The following CCDC102B variants were observed in gnomAD, a reference collection of about 807,000 sequenced individuals.
The protein encoded by CCDC102B is coiled-coil domain containing 102B.
CCDC102B carries 75 observed loss-of-function variants against 57.4 expected under a neutral mutation model. The observed-to-expected ratio is 1.31, with a 90% CI of 1.08 to 1.58. The LOEUF (loss-of-function observed/expected upper bound fraction) is 1.58, where lower values mean the gene tolerates loss of function less well. Ranked by LOEUF, CCDC102B falls within the 40% of genes most tolerant of loss-of-function variation. CCDC102B has a pLI of 0.00. For synonymous variants in CCDC102B, 206 were observed against 201.9 expected, an observed-to-expected ratio of 1.02 and a Z score of -0.17; for missense variants, 636 against 582.6, an observed-to-expected ratio of 1.09 and a Z score of -0.94.
intron 6 of CCDC102B, among the ~76,000 whole-genome samples, chr18:68,902,794 C>T (rs2040499768): frequency 6.6e-6 from 1 of 152,276 alleles, no homozygotes; most frequent in East Asian, 1.9e-4. Flanking sequence ...TCCTGATCTA[C>T]CTGAATAGAT....
At chr18:68,796,651 G>A (rs2035638261), upstream of CCDC102B, among the ~76,000 whole-genome samples, 1 of 152,000 alleles carries the variant, frequency 6.6e-6, no homozygotes, top group Non-Finnish European at 1.5e-5. Flanking sequence ...TGGAGGATGA[G>A]GCATCATCAA....
intron 1 of CCDC102B, among the ~76,000 whole-genome samples, chr18:68,810,671 C>CTTTGTTTGTT (rs1568263108): frequency 4.3e-4 from 30 of 70,050 alleles, no homozygotes; most frequent in East Asian, 7.4e-4. Context: ...ATTTTCTTTT[C>CTTTGTTTGTT]TTTTCTTTGT....
At chr18:68,897,103 A>G (rs996893452) in intron 5 of CCDC102B, 116 bp from the exon 6 acceptor site, 2 of 724,956 alleles carry the variant, frequency 2.8e-6, no homozygotes, top group East Asian at 5.1e-5. Flanking sequence ...TCTTTTTAAA[A>G]TTGTATCAGT....
intron 2 of CCDC102B, among the ~76,000 whole-genome samples, chr18:68,774,139 C>T (rs1018165434): frequency 3.3e-5 from 5 of 151,740 alleles, no homozygotes; most frequent in African/African-American, 9.7e-5. Flanking sequence ...GAAATTGTTC[C>T]TTTTTAATCT....
At chr18:68,771,392 C>A (rs140624002) in intron 2 of CCDC102B, among the ~76,000 whole-genome samples, 4 of 152,274 alleles carry the variant, frequency 2.6e-5, no homozygotes. Context: ...CACTTCTAAA[C>A]ATGTAAAATC....
At chr18:68,736,399 G>A (rs1395759353) in intron 2 of CCDC102B, among the ~76,000 whole-genome samples, 1 of 152,160 alleles carries the variant, frequency 6.6e-6, no homozygotes, top group African/African-American at 2.4e-5. Context: ...GTGAATTAAC[G>A]CTGAGTATGA....
intron 6 of CCDC102B, among the ~76,000 whole-genome samples, chr18:68,948,290 A>G (rs959283006): frequency 3.3e-5 from 5 of 152,100 alleles, no homozygotes; most frequent in African/African-American, 7.2e-5. Flanking sequence ...TTTTTCTTTT[A>G]GATATAGCAT....
chr18:68,846,067 T>C (rs1192930060), intron 3 of CCDC102B, among the ~76,000 whole-genome samples: 1 of 151,770 alleles, frequency 6.6e-6, no homozygotes, highest in Non-Finnish European at 1.5e-5. Flanking sequence ...GCAAGCAGAA[T>C]GTCAATACTG....
At chr18:68,950,861 T>C (rs2049677039) in intron 6 of CCDC102B, among the ~76,000 whole-genome samples, 1 of 152,198 alleles carries the variant, frequency 6.6e-6, no homozygotes, top group Non-Finnish European at 1.5e-5. Context: ...AGTGGTATTT[T>C]TTTTTGAGAA....
chr18:68,857,241 T>A lies in CCDC102B; in HGVS notation c.936+10820T>A, dbSNP rs1208331062. Among the ~76,000 whole-genome samples, 25 of 67,524 alleles carry A rather than the reference T, an allele frequency of 3.7e-4. 5 individuals are homozygous for A. The highest frequency in any genetic ancestry group is 9.2e-4 in the Admixed American group (4 of 4,362). 44.3% of individuals were successfully genotyped at this position (67,524 alleles called of 152,430 possible). On this transcript the variant is annotated intron_variant, in intron 4 of 7. Transcript: ENST00000360242. Reference sequence around the variant, plus strand: ...ATATTTATATATTTTTATATATAAATATATATTTATTATTTAAATATATAA... The same window carrying A: ...ATATTTATATATTTTTATATATAAAAATATATTTATTATTTAAATATATAA...
chr18:68,876,675 C>A (rs1469776773), intron 5 of CCDC102B, among the ~76,000 whole-genome samples: 1 of 151,936 alleles, frequency 6.6e-6, no homozygotes, highest in Non-Finnish European at 1.5e-5. Context: ...GATTTTGGAG[C>A]AGGATATTGA....
intron 6 of CCDC102B, among the ~76,000 whole-genome samples, chr18:68,927,620 G>C (rs2041518797): frequency 6.6e-6 from 1 of 151,976 alleles, no homozygotes; most frequent in Non-Finnish European, 1.5e-5. Flanking sequence ...AATATTGATA[G>C]TTAATAGCCC....
chr18:68,775,214 T>C (rs922240460), intron 2 of CCDC102B, among the ~76,000 whole-genome samples: 4 of 152,092 alleles, frequency 2.6e-5, no homozygotes, highest in Non-Finnish European at 5.9e-5. Flanking sequence ...ATTTTTGCAA[T>C]GAATGACCTT....
chr18:68,722,683 C>T (rs1449445793), intron 2 of CCDC102B, among the ~76,000 whole-genome samples: 1 of 152,150 alleles, frequency 6.6e-6, no homozygotes, highest in African/African-American at 2.4e-5. Context: ...AACAAATGGG[C>T]AGAGTACCCG....
intron 2 of CCDC102B, among the ~76,000 whole-genome samples, chr18:68,740,098 G>A (rs2033318350): frequency 6.6e-6 from 1 of 152,152 alleles, no homozygotes; most frequent in South Asian, 2.1e-4. Flanking sequence ...TTGTTATGGA[G>A]AAGCGTCCTG....
At chr18:68,813,774 T>TATATATATATA (rs2036365181) in intron 1 of CCDC102B, among the ~76,000 whole-genome samples, 1 of 145,962 alleles carries the variant, frequency 6.9e-6, no homozygotes, top group African/African-American at 2.5e-5. Flanking sequence ...AAATATAATT[T>TATATATATATA]TATATATATA....
chr18:68,938,723 T>C (rs1205645797), intron 6 of CCDC102B, among the ~76,000 whole-genome samples: 1 of 151,544 alleles, frequency 6.6e-6, no homozygotes, highest in African/African-American at 2.4e-5. Context: ...ATTATTTTAA[T>C]TTATTTTGGA....
At chr18:68,718,536 G>A (rs1314273044) in intron 2 of CCDC102B, among the ~76,000 whole-genome samples, 1 of 152,128 alleles carries the variant, frequency 6.6e-6, no homozygotes, top group East Asian at 1.9e-4. Flanking sequence ...ACAATGATAC[G>A]TTCACATTGC....
intron 6 of CCDC102B, among the ~76,000 whole-genome samples, chr18:68,967,855 T>C (rs1302673279): frequency 6.6e-6 from 1 of 152,154 alleles, no homozygotes; most frequent in Non-Finnish European, 1.5e-5. Context: ...TAATCTCAAA[T>C]TAGCCATTAA....
Sources: allele counts gnomAD v4.1 joint callset (sites outside exome capture counted in the v4.1 genomes callset), GRCh38; gene constraint gnomAD v4.1.1; transcripts MANE v1.5; gene names NCBI Gene and HGNC (gene_info 2026-07-23, HGNC 2026-07-21).